TMPRSS6: variants seen among roughly 807,000 people sequenced by gnomAD.
TMPRSS6 encodes the protein transmembrane serine protease 6, also known as transmembrane protease serine 6.
A neutral mutation model predicts 101.5 loss-of-function variants in TMPRSS6; 67 were observed. That is an observed-to-expected ratio of 0.66 (90% confidence interval 0.54 to 0.81). TMPRSS6 has a LOEUF of 0.81. Among genes scored for constraint, TMPRSS6 ranks in the 30% least tolerant of loss-of-function variants. The pLI is 0.00. For missense variants in TMPRSS6, 1,034 were observed against 1,088.7 expected (o/e 0.95, Z 0.71); for synonymous variants, 453 against 464.9 (o/e 0.97, Z 0.33).
In TMPRSS6 at chr22:37,101,830, T is replaced by C. The variant is rs1352562604; in HGVS notation, c.202+1386A>G. ...GCCCTCCAGCCCAGTGCCCCGTGGT[T>C]TACCCTGTAGACTAATTAGCCCGCT... is the stretch of plus-strand genomic sequence containing the variant. On this transcript the variant is annotated intron_variant, in intron 2 of 17. Coordinates refer to ENST00000676104, the MANE Select transcript of TMPRSS6 (RefSeq NM_001374504.1). The surrounding 1 kb of genome is among the most constrained non-coding windows in gnomAD (Gnocchi z 4.1). 6.6e-6 allele frequency among the ~76,000 whole-genome samples: 1 copy of C among 152,186 alleles called. No individual in the cohort carries two copies. Among genetic ancestry groups the C allele is most frequent in the Non-Finnish European group, 1.5e-5 (1 of 68,006 alleles).
rs918680730 is a variant in TMPRSS6 at position 37,069,340 on chromosome 22, C to T, written c.1846G>A (p.Ala616Thr). Residue 616 changes from alanine to threonine, a missense_variant, in exon 16 of 18, where the codon GCC (alanine) becomes ACC (threonine). Coordinates refer to ENST00000676104, the MANE Select transcript of TMPRSS6 (RefSeq NM_001374504.1). The surrounding 1 kb of genome is among the most constrained non-coding windows in gnomAD (Gnocchi z 4.8). ...AAHCFQEDSM[A>T]STVLWTVFLG... is the part of the protein sequence containing the mutation. ...AACACGGTCCACAGCACCGTGGAGG[C>T]CATGCTGGGGTGGGGTGGGGTGGGG... 1 of 635,728 alleles carries T rather than the reference C, an allele frequency of 1.6e-6. No homozygotes were observed. Among genetic ancestry groups the T allele is most frequent in the Non-Finnish European group, 2.3e-6 (1 of 427,258 alleles). The allele number at this position is 635,728 out of a possible 1,614,324, so 39.4% of individuals were successfully genotyped here.
intron 6 of TMPRSS6, among the ~76,000 whole-genome samples, chr22:37,094,406 GAT>G (rs1569019738): frequency 2.0e-5 from 3 of 150,016 alleles, no homozygotes; most frequent in Non-Finnish European, 4.4e-5. Flanking sequence ...TAGATAGATA[GAT>G]AGATAGATAG....
intron 1 of TMPRSS6, among the ~76,000 whole-genome samples, chr22:37,104,996 A>C: frequency 6.6e-6 from 1 of 151,688 alleles, no homozygotes. Context: ...AATAAAATGC[A>C]CCCCAGATGC....
intron 1 of TMPRSS6, among the ~76,000 whole-genome samples, chr22:37,104,903 G>A (rs1375746057): frequency 6.6e-6 from 1 of 151,750 alleles, no homozygotes; most frequent in East Asian, 1.9e-4. Flanking sequence ...GGAGGTTGCA[G>A]TGAGCTGAGA....
intron 2 of TMPRSS6, among the ~76,000 whole-genome samples, chr22:37,100,319 G>T (rs1210370168): frequency 6.6e-6 from 1 of 152,234 alleles, no homozygotes; most frequent in African/African-American, 2.4e-5. Flanking sequence ...TTTATCAAAT[G>T]GTCCCTCTGC....
At position 37,069,254 on chromosome 22, in the gene TMPRSS6, G is replaced by A. The variant is rs369601669; in HGVS notation, c.1932C>T (p.Arg644=). 9.9e-6 allele frequency: 16 copies of A among 1,611,534 alleles called. No individual in the cohort carries two copies. In the African/African-American group the frequency reaches 2.0e-4, roughly 20 times the overall value. ...WPGEVSFKVS[R]LLLHPYHEED... is the part of the protein sequence containing the mutation. ...CTTCGTGGTACGGGTGCAGGAGCAGGCGGCTCACCTTGAAGGACACCTCTC... is the reference window on the plus strand; with the variant it reads ...CTTCGTGGTACGGGTGCAGGAGCAGACGGCTCACCTTGAAGGACACCTCTC... Residue 644 remains arginine (R), a synonymous_variant, in exon 16 of 18, where the codon CGC becomes CGT. Coordinates refer to ENST00000676104, the MANE Select transcript of TMPRSS6 (RefSeq NM_001374504.1). The surrounding 1 kb of genome is among the most constrained non-coding windows in gnomAD (Gnocchi z 4.8).
chr22:37,097,358 G>A (rs987104588), intron 3 of TMPRSS6, among the ~76,000 whole-genome samples: 6 of 152,178 alleles, frequency 3.9e-5, no homozygotes, highest in Admixed American at 2.6e-4. Flanking sequence ...CTGGAAAGTG[G>A]GCAACCAACA....
At chr22:37,072,598 G>GATGGTTGC (rs1927156445) in intron 13 of TMPRSS6, among the ~76,000 whole-genome samples, 1 of 144,080 alleles carries the variant, frequency 6.9e-6, no homozygotes, top group Non-Finnish European at 1.5e-5. Flanking sequence ...ATGGATGATG[G>GATGGTTGC]ATGGATGGAT....
chr22:37,073,954 G>A (rs914735960), intron 12 of TMPRSS6, among the ~76,000 whole-genome samples: 14 of 152,040 alleles, frequency 9.2e-5, no homozygotes, highest in Admixed American at 3.3e-4. Context: ...TCACCATGTT[G>A]GCCAGGCTGA....
At chr22:37,066,991 T>C (rs1196706886) in intron 16 of TMPRSS6, 29 bp from the exon 17 acceptor site, 1 of 1,613,958 alleles carries the variant, frequency 6.2e-7, no homozygotes, top group Non-Finnish European at 8.5e-7. Context: ...AGAAGTGAGA[T>C]CTCAGGAGCC....
At chr22:37,110,307 T>C (rs1358065914), upstream of TMPRSS6, among the ~76,000 whole-genome samples, 1 of 151,924 alleles carries the variant, frequency 6.6e-6, no homozygotes. Context: ...CATGCCCGGC[T>C]AATTTTCATA....
At chr22:37,089,837 C>A in intron 6 of TMPRSS6, 55 bp from the exon 7 acceptor site, 2 of 1,558,594 alleles carry the variant, frequency 1.3e-6, no homozygotes, top group Non-Finnish European at 1.7e-6. Context: ...AAGGAGGGGA[C>A]CCTGGGGAGC....
At chr22:37,070,856 C>T in intron 14 of TMPRSS6, 60 bp downstream of exon 14, 1 of 1,533,976 alleles carries the variant, frequency 6.5e-7, no homozygotes, top group East Asian at 2.2e-5. Flanking sequence ...CTCCAGCTTC[C>T]TGCTGTGGGC....
chr22:37,096,740 C>T (rs1929799762), intron 3 of TMPRSS6, 25 bp from the exon 4 acceptor site: 2 of 1,556,210 alleles, frequency 1.3e-6, no homozygotes, highest in Non-Finnish European at 1.7e-6. Flanking sequence ...GACAACAGCC[C>T]CTGGGACCCT....
chr22:37,074,490 T>C (rs1927429632), intron 12 of TMPRSS6, 120 bp downstream of exon 12: 3 of 965,708 alleles, frequency 3.1e-6, no homozygotes, highest in Admixed American at 4.2e-5. Flanking sequence ...CCCCACTTCC[T>C]GGGTGCTCAT....
chr22:37,086,034 G>T (rs1487683577), intron 8 of TMPRSS6, among the ~76,000 whole-genome samples: 1 of 151,416 alleles, frequency 6.6e-6, no homozygotes, highest in African/African-American at 2.4e-5. Context: ...GGGAAGCAAG[G>T]GAGCGATGCC....
chr22:37,107,043 C>T (rs773454247), intron 1 of TMPRSS6, among the ~76,000 whole-genome samples: 31 of 152,252 alleles, frequency 2.0e-4, no homozygotes, highest in East Asian at 3.8e-4. Context: ...CATGGAACGC[C>T]GCACAGCCCG....
At chr22:37,073,460 T>C (rs2146056794) in intron 13 of TMPRSS6, 72 bp downstream of exon 13, 1 of 1,010,900 alleles carries the variant, frequency 9.9e-7, no homozygotes. Flanking sequence ...AGCTAGAAAC[T>C]TTTGCTGAAG....
At chr22:37,099,291 C>T (rs953739581) in intron 2 of TMPRSS6, among the ~76,000 whole-genome samples, 11 of 152,186 alleles carry the variant, frequency 7.2e-5, no homozygotes, top group Admixed American at 2.6e-4. Context: ...GGTGAGGACC[C>T]GGGCTGAAAG....
Sources: allele counts gnomAD v4.1 joint callset (sites outside exome capture counted in the v4.1 genomes callset), GRCh38; gene constraint gnomAD v4.1.1; non-coding constraint Gnocchi (gnomAD v3.1); transcripts MANE v1.5; gene names NCBI Gene and HGNC (gene_info 2026-07-23, HGNC 2026-07-21).